The following AGTPBP1 variants were observed in gnomAD, a reference collection of about 807,000 sequenced individuals.
AGTPBP1 encodes ATP/GTP binding carboxypeptidase 1, also known as cytosolic carboxypeptidase 1.
AGTPBP1 carries 70 observed loss-of-function variants against 143.9 expected under a neutral mutation model. That is an observed-to-expected ratio of 0.49 (90% CI 0.40 to 0.59). The LOEUF (loss-of-function observed/expected upper bound fraction) is 0.59, where lower values mean the gene tolerates loss of function less well. Ranked by LOEUF, AGTPBP1 falls within the 20% of genes least tolerant of loss-of-function variation. The pLI is 0.00. For synonymous variants in AGTPBP1, 463 were observed against 500.2 expected (o/e 0.93, Z 0.99); for missense variants, 1,229 against 1,464.5 (o/e 0.84, Z 2.62).
chr9:85,803,410 AC>A, the AGTPBP1 span, among the ~76,000 whole-genome samples: 403 of 151,886 alleles, frequency 2.7e-3, 1 homozygote, highest in African/African-American at 7.0e-3. Context: ...TTTCTGCTCC[AC>A]CCCCTTTCTT....
intron 14 of AGTPBP1, among the ~76,000 whole-genome samples, chr9:85,628,468 C>A (rs1831441372): frequency 6.6e-6 from 1 of 152,112 alleles, no homozygotes; most frequent in African/African-American, 2.4e-5. Context: ...GAGAGACTAG[C>A]AAAGGTTTTA....
intron 14 of AGTPBP1, among the ~76,000 whole-genome samples, chr9:85,622,856 AT>A (rs1587758408): frequency 6.6e-6 from 1 of 152,328 alleles, no homozygotes; most frequent in East Asian, 1.9e-4. Context: ...CCACATCAAA[AT>A]TTAAGTGGTC....
chr9:85,757,849 C>G, the AGTPBP1 span, among the ~76,000 whole-genome samples: 20 of 152,110 alleles, frequency 1.3e-4, 1 homozygote, highest in East Asian at 3.7e-3. Context: ...ACTCTGGGAC[C>G]GATTTATTTT....
At chr9:85,681,011 G>C (rs750830634) in intron 4 of AGTPBP1, among the ~76,000 whole-genome samples, 4 of 152,010 alleles carry the variant, frequency 2.6e-5, no homozygotes, top group Non-Finnish European at 5.9e-5. Flanking sequence ...AATCATATAA[G>C]GGAAATATAC....
intron 20 of AGTPBP1, 131 bp from the exon 21 acceptor site, chr9:85,588,609 A>G: frequency 1.1e-6 from 1 of 880,496 alleles, no homozygotes; most frequent in African/African-American, 1.7e-5. Context: ...CCAATGGTGC[A>G]TCCTACAAGC....
chr9:85,660,045 CA>C (rs1281911707), intron 9 of AGTPBP1, among the ~76,000 whole-genome samples: 2 of 151,158 alleles, frequency 1.3e-5, no homozygotes, highest in Non-Finnish European at 2.9e-5. Flanking sequence ...AAATCATTAC[CA>C]AATATTAGAT....
At chr9:85,627,239 TAA>T (rs1326740612) in intron 14 of AGTPBP1, among the ~76,000 whole-genome samples, 1 of 152,028 alleles carries the variant, frequency 6.6e-6, no homozygotes, top group Admixed American at 6.6e-5. Context: ...TCCAGAGAAA[TAA>T]AGTTATTTAT....
chr9:85,657,057 C>G, intron 10 of AGTPBP1, among the ~76,000 whole-genome samples: 1 of 151,840 alleles, frequency 6.6e-6, no homozygotes, highest in Non-Finnish European at 1.5e-5. Context: ...GGAGGGATAG[C>G]ATTGGGAGAT....
At chr9:85,746,155 G>A (rs1014905791), upstream of AGTPBP1, among the ~76,000 whole-genome samples, 1 of 152,006 alleles carries the variant, frequency 6.6e-6, no homozygotes, top group African/African-American at 2.4e-5. Context: ...ATACCTGATG[G>A]AACCAATCTG....
chr9:85,633,227 T>C lies in AGTPBP1; in HGVS notation c.1450A>G (p.Lys484Glu), dbSNP rs1831803901. Residue 484 changes from lysine (K) to glutamate (E), a missense_variant, in exon 14 of 26, where the codon AAA (lysine) becomes GAA (glutamate). Physicochemically the swap from Lys to Glu is moderately conservative, Grantham distance 56. Coordinates refer to ENST00000357081, the MANE Select transcript of AGTPBP1 (RefSeq NM_001330701.2). ...GACTTCTTTTCACCTTCATCTCCTT[T>C]AGAAGATATGTTCTCCTTCATTACA... is the stretch of plus-strand genomic sequence containing the variant. Reference protein sequence around the residue: ...KVVMKENISSKGDEGEKKSTF... With the variant: ...KVVMKENISSEGDEGEKKSTF... 1.2e-6 allele frequency: 2 copies of C among 1,613,822 alleles called. No homozygotes were observed. The highest frequency in any genetic ancestry group is 2.2e-5 in the East Asian group (1 of 44,884).
intron 17 of AGTPBP1, among the ~76,000 whole-genome samples, chr9:85,599,064 A>C (rs1442594115): frequency 6.8e-6 from 1 of 148,082 alleles, no homozygotes; most frequent in African/African-American, 2.5e-5. Context: ...TTTTAATTTC[A>C]TTTGCCTAGT....
At chr9:85,589,489 G>A in intron 20 of AGTPBP1, 39 bp downstream of exon 20, 1 of 1,567,148 alleles carries the variant, frequency 6.4e-7, no homozygotes, top group South Asian at 1.2e-5. Context: ...CAAAGTAGGT[G>A]AGAATGACTG....
chr9:85,694,264 C>T (rs1836087332), intron 2 of AGTPBP1, among the ~76,000 whole-genome samples: 1 of 152,126 alleles, frequency 6.6e-6, no homozygotes, highest in Non-Finnish European at 1.5e-5. Flanking sequence ...TCTCAAAGTA[C>T]TTGCTTTCTC....
intron 2 of AGTPBP1, among the ~76,000 whole-genome samples, chr9:85,696,790 G>A (rs1836276883): frequency 6.6e-6 from 1 of 152,186 alleles, no homozygotes; most frequent in Non-Finnish European, 1.5e-5. Flanking sequence ...GTGTAAGATA[G>A]ACCAACGGAT....
At chr9:85,672,506 A>C in intron 7 of AGTPBP1, 44 bp downstream of exon 7, 8 of 1,574,726 alleles carry the variant, frequency 5.1e-6, no homozygotes, top group Non-Finnish European at 6.0e-6. Flanking sequence ...CTTTTTGTGT[A>C]ACTTTACAAC....
At chr9:85,639,582 G>T (rs1451024909) in intron 13 of AGTPBP1, among the ~76,000 whole-genome samples, 1 of 152,146 alleles carries the variant, frequency 6.6e-6, no homozygotes, top group Non-Finnish European at 1.5e-5. Context: ...ATGTGGGAAA[G>T]GACTACCTAT....
At chr9:85,802,632 C>T in the AGTPBP1 span, among the ~76,000 whole-genome samples, 1 of 152,234 alleles carries the variant, frequency 6.6e-6, no homozygotes, top group Admixed American at 6.5e-5. Context: ...CTAGAGTAGG[C>T]TAAACTGCTA....
At chr9:85,786,572 A>G in the AGTPBP1 span, 1 of 1,613,780 alleles carries the variant, frequency 6.2e-7, no homozygotes, top group South Asian at 1.1e-5. Flanking sequence ...AAGGGACTTA[A>G]AAACTTAGAC....
At chr9:85,709,034 C>T (rs1837198434) in intron 2 of AGTPBP1, among the ~76,000 whole-genome samples, 1 of 152,106 alleles carries the variant, frequency 6.6e-6, no homozygotes, top group Non-Finnish European at 1.5e-5. Context: ...AAAAATATTA[C>T]AATATGCTTC....
Sources: gnomAD v4.1 joint callset for allele counts (sites outside exome capture counted in the v4.1 genomes callset) on GRCh38, gnomAD v4.1.1 for gene constraint, MANE v1.5 for transcripts, NCBI Gene and HGNC (gene_info 2026-07-23, HGNC 2026-07-21) for gene names.